The following SETBP1 variants were observed in gnomAD, a reference collection of about 807,000 sequenced individuals.
SETBP1 encodes the protein SET-binding protein.
A neutral mutation model predicts 101.0 loss-of-function variants in SETBP1; 9 were observed. The ratio of observed to expected loss-of-function variants is 0.09; its 90% CI spans 0.05 to 0.16. The LOEUF (loss-of-function observed/expected upper bound fraction) is 0.16, where lower values mean the gene tolerates loss of function less well. Ranked by LOEUF, SETBP1 falls within the 10% of genes least tolerant of loss-of-function variation. SETBP1 has a pLI of 1.00. For missense variants in SETBP1, 1,858 were observed against 2,033.8 expected (o/e 0.91, Z 1.66); for synonymous variants, 818 against 788.5 (o/e 1.04, Z -0.63).
intron 4 of SETBP1, among the ~76,000 whole-genome samples, chr18:44,969,029 A>G (rs1427940347): frequency 6.6e-6 from 1 of 152,182 alleles, no homozygotes; most frequent in Non-Finnish European, 1.5e-5. Flanking sequence ...CTGAATGCTT[A>G]CTATACCTCC....
chr18:44,846,324 GT>G (rs1336527942), intron 2 of SETBP1, among the ~76,000 whole-genome samples: 2 of 152,150 alleles, frequency 1.3e-5, no homozygotes, highest in Non-Finnish European at 2.9e-5. Context: ...CAATTCAGTG[GT>G]TTTTGGTGTA....
intron 2 of SETBP1, among the ~76,000 whole-genome samples, chr18:44,776,070 T>C (rs978141409): frequency 1.3e-5 from 2 of 152,150 alleles, no homozygotes; most frequent in Non-Finnish European, 2.9e-5. Context: ...AGTCCGGAGG[T>C]GTGGCTATCT....
intron 2 of SETBP1, among the ~76,000 whole-genome samples, chr18:44,723,680 C>T (rs749332301): frequency 4.6e-5 from 7 of 152,160 alleles, no homozygotes; most frequent in Admixed American, 1.3e-4. Flanking sequence ...GAACCTACCA[C>T]GCCTTTGCCC....
intron 2 of SETBP1, among the ~76,000 whole-genome samples, chr18:44,707,168 G>A (rs1016007350): frequency 6.6e-6 from 1 of 152,218 alleles, no homozygotes; most frequent in African/African-American, 2.4e-5. Flanking sequence ...CCAAGCAAAT[G>A]TGTATTCCAG....
chr18:44,958,522 T>G (rs749663103), intron 4 of SETBP1, among the ~76,000 whole-genome samples: 11 of 152,144 alleles, frequency 7.2e-5, no homozygotes, highest in Non-Finnish European at 1.2e-4. Flanking sequence ...ATCTTAATAA[T>G]GTAGTACAAA....
At position 44,841,413 on chromosome 18, in the gene SETBP1, C is replaced by G. The variant is rs190327889; in HGVS notation, c.487-27817C>G. Among the ~76,000 whole-genome samples the G allele has an allele frequency of 7.2e-3, 1,099 of 152,292 alleles. 7 individuals are homozygous for G. Among genetic ancestry groups the G allele is most frequent in the Admixed American group, 0.014 (208 of 15,302 alleles). ...TGACCTTGTCTTGGAAATCACACCC[C>G]TCACTTCCACCACAATCTATTCACT... is the stretch of plus-strand genomic sequence containing the variant. On this transcript the variant is annotated intron_variant, in intron 2 of 5. Coordinates refer to ENST00000649279, the MANE Select transcript of SETBP1 (RefSeq NM_015559.3).
chr18:44,974,331 A>G (rs1319383402), intron 4 of SETBP1, among the ~76,000 whole-genome samples: 1 of 152,194 alleles, frequency 6.6e-6, no homozygotes, highest in African/African-American at 2.4e-5. Flanking sequence ...AGCAACTACA[A>G]TAATCCAGGC....
chr18:44,934,280 C>G (rs7505488), intron 3 of SETBP1, among the ~76,000 whole-genome samples: 1 of 152,090 alleles, frequency 6.6e-6, no homozygotes, highest in South Asian at 2.1e-4. Flanking sequence ...TCCCAAGTAG[C>G]TGAGATTACA....
At chr18:44,869,792 T>C (rs1568191402) in intron 3 of SETBP1, 1 of 219,566 alleles carries the variant, frequency 4.6e-6, no homozygotes, top group Non-Finnish European at 9.2e-6. Flanking sequence ...CTGGCCAGAG[T>C]GGTGTTTGGA....
intron 3 of SETBP1, among the ~76,000 whole-genome samples, chr18:44,914,713 G>A (rs1470039813): frequency 6.6e-6 from 1 of 152,092 alleles, no homozygotes; most frequent in African/African-American, 2.4e-5. Context: ...TGTCTGGAAG[G>A]AGCCTGAAAG....
In SETBP1 at chr18:44,951,597, T is replaced by C. The variant is rs1241272374; in HGVS notation, c.2257T>C (p.Ser753Pro). The change falls in exon 4 of 6, where the codon TCT becomes CCT. Residue 753 changes from serine to proline, a missense_variant. Ser to Pro is a moderately conservative substitution (Grantham distance 74, BLOSUM62 -1). Transcript: ENST00000649279. The surrounding 1 kb of genome is among the most constrained non-coding windows in gnomAD (Gnocchi z 7.8). ...AGCCATCAAGCACCCCAGGCCTGTT[T>C]CTAGCCAGCCGGATGTTCCAGCCGT... ...KTAIKHPRPV[S>P]SQPDVPAVPS... 6.2e-7 allele frequency: 1 copy of C among 1,614,124 alleles called. No individual in the cohort carries two copies. The highest frequency in any genetic ancestry group is 1.1e-5 in the South Asian group (1 of 91,064).
In SETBP1 at chr18:44,982,023, TA is replaced by T. The variant is rs546043469; in HGVS notation, c.4000+28690del. Among the ~76,000 whole-genome samples the T allele has an allele frequency of 3.5e-4, 54 of 152,162 alleles. No individual in the cohort carries two copies. The South Asian group carries it at 8.3e-3, about 23-fold the overall frequency. On this transcript the variant is annotated intron_variant, in intron 4 of 5. Coordinates refer to ENST00000649279, the MANE Select transcript of SETBP1 (RefSeq NM_015559.3). Reference sequence around the variant, plus strand: ...CAGAGCAAGCTTATTGTAGGAAGCATAAAAAAACACCCCATAAAGCGAAAGT... The same window carrying T: ...CAGAGCAAGCTTATTGTAGGAAGCATAAAAAACACCCCATAAAGCGAAAGT...
At chr18:44,710,682 C>G (rs898108826) in intron 2 of SETBP1, among the ~76,000 whole-genome samples, 1 of 152,082 alleles carries the variant, frequency 6.6e-6, no homozygotes, top group Non-Finnish European at 1.5e-5. Context: ...GAACTCCTGA[C>G]CTCGTGATCT....
chr18:44,921,770 G>T (rs944781471), intron 3 of SETBP1, among the ~76,000 whole-genome samples: 1 of 152,092 alleles, frequency 6.6e-6, no homozygotes, highest in Non-Finnish European at 1.5e-5. Flanking sequence ...TGAGTATCGT[G>T]GGGGCCCAGG....
At chr18:45,010,667 A>C (rs1276528374) in intron 4 of SETBP1, among the ~76,000 whole-genome samples, 2 of 152,238 alleles carry the variant, frequency 1.3e-5, no homozygotes. Flanking sequence ...TTTACAACTA[A>C]CTGAAAACAA....
At chr18:44,846,842 A>C (rs144538455) in intron 2 of SETBP1, among the ~76,000 whole-genome samples, 1,921 of 152,358 alleles carry the variant, frequency 0.013, 18 homozygotes, top group Middle Eastern at 0.037. Flanking sequence ...AATCAGTTTT[A>C]GTCTCTCCTT....
At chr18:45,059,613 T>C (rs1248358558) in intron 5 of SETBP1, among the ~76,000 whole-genome samples, 1 of 152,308 alleles carries the variant, frequency 6.6e-6, no homozygotes, top group East Asian at 1.9e-4. Context: ...TTCAAGGTAG[T>C]TAGTTCTAGA....
rs553446228 is a variant in SETBP1, at chr18:44,716,934, A to T, written c.486+15102A>T. ...TTGGCTGTGCAGGTTGCTTTCCTGG[A>T]CATAACAACAGCTGCCATTTTGCTA... On this transcript the variant is annotated intron_variant, in intron 2 of 5. Transcript: ENST00000649279. Among the ~76,000 whole-genome samples the T allele has an allele frequency of 1.6e-3, 250 of 152,330 alleles. 1 individual carries two copies. Among genetic ancestry groups the T allele is most frequent in the Middle Eastern group, 6.8e-3 (2 of 294 alleles).
intron 2 of SETBP1, among the ~76,000 whole-genome samples, chr18:44,860,130 G>A (rs1323459610): frequency 6.6e-6 from 1 of 152,222 alleles, no homozygotes; most frequent in African/African-American, 2.4e-5. Flanking sequence ...CAAGTGAGCA[G>A]ATCATCTGGT....
Sources: gnomAD v4.1 joint callset for allele counts (sites outside exome capture counted in the v4.1 genomes callset) on GRCh38, gnomAD v4.1.1 for gene constraint, Gnocchi (gnomAD v3.1) non-coding constraint, MANE v1.5 for transcripts, NCBI Gene and HGNC (gene_info 2026-07-23, HGNC 2026-07-21) for gene names.